Variants in TOGARAM1 observed in about 807,000 individuals in gnomAD.
TOGARAM1 encodes TOG array regulator of axonemal microtubules 1, also known as TOG array regulator of axonemal microtubules protein 1.
In TOGARAM1, 100 loss-of-function variants were observed where a neutral mutation model predicts 166.6. That is an observed-to-expected ratio of 0.60 (90% CI 0.51 to 0.71). TOGARAM1 has a LOEUF of 0.71. Ranked by LOEUF, TOGARAM1 falls within the 30% of genes least tolerant of loss-of-function variation. The pLI is 0.00. For synonymous variants in TOGARAM1, 758 were observed against 763.8 expected (o/e 0.99, Z 0.13); for missense variants, 2,029 against 2,102.7 (o/e 0.96, Z 0.69).
chr14:44,963,877 G>A lies in TOGARAM1; in HGVS notation c.1456G>A (p.Val486Met), dbSNP rs1885367148. Residue 486 changes from valine (V) to methionine (M), a missense_variant, in exon 1 of 20, where the codon GTG becomes ATG. Physicochemically the swap from Val to Met is conservative, Grantham distance 21. This residue lies in a region of TOGARAM1 where 1,453 missense variants were observed against 1,432.2 expected (regional missense o/e 1.01). Coordinates refer to ENST00000361462, the MANE Select transcript of TOGARAM1 (RefSeq NM_001308120.2). ...ACATCTCAAACATAAGCATTCCAGA[G>A]TGAGAGAGGAGGTGGTGAACATTTG... The part of the protein sequence containing the change: ...LEHLKHKHSR[V>M]REEVVNICIC... 1 of 1,614,052 alleles carries A rather than the reference G, an allele frequency of 6.2e-7. No individual in the cohort carries two copies. The highest frequency in any genetic ancestry group is 8.5e-7 in the Non-Finnish European group (1 of 1,179,922).
At chr14:45,020,312 G>A (rs769584736) in intron 7 of TOGARAM1, among the ~76,000 whole-genome samples, 1 of 152,102 alleles carries the variant, frequency 6.6e-6, no homozygotes, top group East Asian at 1.9e-4. Context: ...AAATAAACAG[G>A]TTCCCCCTCT....
intron 1 of TOGARAM1, among the ~76,000 whole-genome samples, chr14:44,964,784 G>C (rs919603899): frequency 5.3e-5 from 8 of 151,976 alleles, no homozygotes; most frequent in African/African-American, 1.7e-4. Context: ...GTACGTGCCA[G>C]ATAAAGAGCT....
At chr14:44,969,145 C>CTTT (rs1555341651) in intron 1 of TOGARAM1, among the ~76,000 whole-genome samples, 4,955 of 115,192 alleles carry the variant, frequency 0.043, 101 homozygotes, top group East Asian at 0.11. Flanking sequence ...TTCCTTCCTT[C>CTTT]CTTTCTTTCT....
At chr14:44,995,382 C>T (rs1887361771) in intron 1 of TOGARAM1, 2 of 433,022 alleles carry the variant, frequency 4.6e-6, no homozygotes, top group Non-Finnish European at 9.4e-6. Context: ...CTTCAACTGG[C>T]ACTTATTGTC....
Position 45,073,467 on chromosome 14 carries a change from G to A in TOGARAM1, c.5228G>A (p.Gly1743Asp), listed in dbSNP as rs775057283. Residue 1743 changes from glycine to aspartate, a missense_variant, in exon 20 of 20, where the codon GGT (glycine) becomes GAT (aspartate). By Grantham distance (94) the Gly-to-Asp change is moderately conservative. This residue lies in a region of TOGARAM1 where 576 missense variants were observed against 670.5 expected (regional missense o/e 0.86). Coordinates refer to ENST00000361462, the MANE Select transcript of TOGARAM1 (RefSeq NM_001308120.2). ...KLSKALFAQM[G>D]QNLLNQAASQ... ...TCAAAAGCACTCTTTGCACAGATGG[G>A]TCAGAATCTGTTAAATCAGGCTGCA... 1.2e-6 allele frequency: 2 copies of A among 1,613,968 alleles called. No individual in the cohort carries two copies. Among genetic ancestry groups the A allele is most frequent in the African/African-American group, 1.3e-5 (1 of 74,906 alleles).
In TOGARAM1 at chr14:45,027,430, C is replaced by T. The variant is rs1880917914; in HGVS notation, c.3460C>T (p.Gln1154Ter). 2 of 1,610,894 alleles carry T rather than the reference C, an allele frequency of 1.2e-6. No individual in the cohort carries two copies. Among genetic ancestry groups the T allele is most frequent in the Non-Finnish European group, 1.7e-6 (2 of 1,179,044 alleles). Residue 1154 changes from glutamine to a stop codon, truncating the protein, a stop_gained, in exon 9 of 20, where the codon CAG becomes TAG. Coordinates refer to ENST00000361462, the MANE Select transcript of TOGARAM1 (RefSeq NM_001308120.2). LOFTEE classifies it high-confidence loss of function. Reference sequence around the variant, plus strand: ...ATCAGGGATTTATGGAAGATCAGTCCAGCAAAATATTTCATCATATCTTGA... The same window carrying T: ...ATCAGGGATTTATGGAAGATCAGTCTAGCAAAATATTTCATCATATCTTGA... Reference protein sequence around the residue: ...PPSGIYGRSVQQNISSYLDVE... With the variant: ...PPSGIYGRSV
intron 1 of TOGARAM1, among the ~76,000 whole-genome samples, chr14:44,973,463 A>G (rs1886005790): frequency 6.6e-6 from 1 of 151,964 alleles, no homozygotes; most frequent in Non-Finnish European, 1.5e-5. Flanking sequence ...ACATAAGCAT[A>G]CATAATCAAA....
chr14:45,007,935 G>A (rs912368512), intron 5 of TOGARAM1: 2 of 152,144 alleles, frequency 1.3e-5, no homozygotes, highest in African/African-American at 4.8e-5. Context: ...AAAGTATGTG[G>A]TAGGACTAGG....
At chr14:44,970,188 A>G (rs1406354542) in intron 1 of TOGARAM1, among the ~76,000 whole-genome samples, 1 of 152,168 alleles carries the variant, frequency 6.6e-6, no homozygotes, top group East Asian at 1.9e-4. Flanking sequence ...TTATCTCTTC[A>G]TTTATTTAGC....
At chr14:45,014,995 A>T (rs1427837784) in intron 7 of TOGARAM1, among the ~76,000 whole-genome samples, 1 of 152,052 alleles carries the variant, frequency 6.6e-6, no homozygotes, top group East Asian at 1.9e-4. Flanking sequence ...TTATTCAAAT[A>T]CAACATTATT....
chr14:44,994,727 G>A (rs1213416836), intron 1 of TOGARAM1, among the ~76,000 whole-genome samples: 1 of 152,052 alleles, frequency 6.6e-6, no homozygotes, highest in Non-Finnish European at 1.5e-5. Flanking sequence ...CCTCATCTGG[G>A]CATTCTTAAT....
In TOGARAM1 at chr14:44,995,967, T is replaced by C. The variant is rs945870424; in HGVS notation, c.2203+65T>C. 2.9e-6 allele frequency: 4 copies of C among 1,358,786 alleles called. No homozygotes were observed. In the African/African-American group the frequency reaches 5.9e-5, roughly 20 times the overall value. 84.2% of individuals were successfully genotyped at this position (1,358,786 alleles called of 1,614,324 possible). ...AGACTTCTCTTAACTTCATAGTGCA[T>C]TCAATGACTCATAGAACTTTAATCT... is the stretch of plus-strand genomic sequence containing the variant. On this transcript the variant is annotated intron_variant, in intron 2 of 19. Coordinates refer to ENST00000361462, the MANE Select transcript of TOGARAM1 (RefSeq NM_001308120.2).
intron 7 of TOGARAM1, among the ~76,000 whole-genome samples, chr14:45,017,087 A>G (rs1880191615): frequency 6.6e-6 from 1 of 152,204 alleles, no homozygotes; most frequent in Admixed American, 6.5e-5. Flanking sequence ...TACCCAAGAC[A>G]TTGTAAGCCT....
chr14:44,991,717 T>C (rs934925116), intron 1 of TOGARAM1, among the ~76,000 whole-genome samples: 2 of 150,918 alleles, frequency 1.3e-5, no homozygotes, highest in Non-Finnish European at 2.9e-5. Context: ...CAGAGTATCA[T>C]GTGATTTATT....
chr14:45,069,458 C>T (rs1883282856), intron 18 of TOGARAM1, among the ~76,000 whole-genome samples: 1 of 151,676 alleles, frequency 6.6e-6, no homozygotes, highest in East Asian at 1.9e-4. Context: ...TGACAAAGAA[C>T]TCATACCTAG....
At chr14:45,030,416 G>A (rs1219830655) in intron 10 of TOGARAM1, among the ~76,000 whole-genome samples, 1 of 152,038 alleles carries the variant, frequency 6.6e-6, no homozygotes, top group African/African-American at 2.4e-5. Context: ...TACTATGTAG[G>A]GTTGTTGAAT....
At chr14:44,989,279 CTCACT>C (rs1887009185) in intron 1 of TOGARAM1, among the ~76,000 whole-genome samples, 1 of 152,150 alleles carries the variant, frequency 6.6e-6, no homozygotes, top group Non-Finnish European at 1.5e-5. Flanking sequence ...ATTTTTCTGA[CTCACT>C]TCATCTAATT....
chr14:45,040,760 C>T (rs542228730), intron 11 of TOGARAM1, among the ~76,000 whole-genome samples: 8 of 152,274 alleles, frequency 5.3e-5, no homozygotes, highest in South Asian at 4.2e-4. Context: ...AACTTGTGAC[C>T]GGGCATGGTG....
chr14:45,066,471 A>G (rs1883141254), intron 16 of TOGARAM1, 107 bp from the exon 17 acceptor site: 1 of 1,034,390 alleles, frequency 9.7e-7, no homozygotes, highest in Admixed American at 2.8e-5. Context: ...TTTGCATTTT[A>G]TGCATTTTGG....
Sources: gnomAD v4.1 joint callset for allele counts (sites outside exome capture counted in the v4.1 genomes callset) on GRCh38, gnomAD v4.1.1 for gene constraint, gnomAD v4.1.1 regional missense constraint, MANE v1.5 for transcripts, NCBI Gene and HGNC (gene_info 2026-07-23, HGNC 2026-07-21) for gene names.